WDR27: variants seen among roughly 807,000 people sequenced by gnomAD.
WDR27 encodes WD repeat domain 27.
A neutral mutation model predicts 114.4 loss-of-function variants in WDR27; 100 were observed. The ratio of observed to expected loss-of-function variants is 0.87; its 90% confidence interval spans 0.74 to 1.03. The LOEUF is 1.03. WDR27 is among the 50% of genes least tolerant of loss of function. The probability of loss-of-function intolerance (pLI) is 0.00; values close to 1 mark genes in which losing one functional copy is unlikely to be tolerated. For synonymous variants in WDR27, 449 were observed against 423.1 expected (o/e 1.06, Z -0.75); for missense variants, 1,129 against 1,092.9 (o/e 1.03, Z -0.47).
At chr6:169,514,166 TATATACATACAC>T (rs1793316458) in intron 25 of WDR27, among the ~76,000 whole-genome samples, 1 of 152,032 alleles carries the variant, frequency 6.6e-6, no homozygotes, top group African/African-American at 2.4e-5. Flanking sequence ...ATATTATTCT[TATATACATACAC>T]ATATACATAT....
intron 25 of WDR27, among the ~76,000 whole-genome samples, chr6:169,512,497 G>T (rs964046499): frequency 6.6e-6 from 1 of 152,154 alleles, no homozygotes; most frequent in South Asian, 2.1e-4. Flanking sequence ...ACTTTAATTT[G>T]TAATGTTAAT....
At chr6:169,639,124 C>T (rs1818491978) in intron 17 of WDR27, among the ~76,000 whole-genome samples, 1 of 132,230 alleles carries the variant, frequency 7.6e-6, no homozygotes. Context: ...ATGTGGTGCT[C>T]GGTACTGTGT....
rs182898833 is a variant in WDR27 at position 169,684,496 on chromosome 6, C to A, written c.189+4321G>T. Among the ~76,000 whole-genome samples, 73 of 152,254 alleles carry A rather than the reference C, an allele frequency of 4.8e-4. 1 individual carries two copies. Among genetic ancestry groups the A allele is most frequent in the Non-Finnish European group, 3.8e-4 (26 of 68,020 alleles). On this transcript the variant is annotated intron_variant, in intron 2 of 25. Transcript: ENST00000448612. The surrounding 1 kb of genome is among the most constrained non-coding windows in gnomAD (Gnocchi z 4.3). ...CCATGTCTCAGACTCAAGAAAAAGA[C>A]CCATGGGTTGCCTTTGGAGGCACAT...
chr6:169,693,461 G>A (rs1189740218), intron 1 of WDR27, among the ~76,000 whole-genome samples: 1 of 152,166 alleles, frequency 6.6e-6, no homozygotes, highest in African/African-American at 2.4e-5. Context: ...CTAACATAAT[G>A]AATAGAGCAG....
At chr6:169,653,925 C>T (rs1397820263) in intron 13 of WDR27, among the ~76,000 whole-genome samples, 1 of 152,224 alleles carries the variant, frequency 6.6e-6, no homozygotes, top group Non-Finnish European at 1.5e-5. Flanking sequence ...TCCCAGGCTG[C>T]TGGCCCTGCA....
chr6:169,656,200 A>G (rs184901253), intron 13 of WDR27, among the ~76,000 whole-genome samples: 231 of 152,314 alleles, frequency 1.5e-3, no homozygotes, highest in African/African-American at 5.4e-3. Flanking sequence ...AAAAAGGTAC[A>G]ACTCAAAGAT....
At chr6:169,596,910 T>C (rs376287811) in intron 23 of WDR27, among the ~76,000 whole-genome samples, 13 of 152,212 alleles carry the variant, frequency 8.5e-5, no homozygotes, top group African/African-American at 2.9e-4. Context: ...TCCATTATGA[T>C]TGAAGATACT....
At chr6:169,662,506 G>A (rs1826480377) in intron 8 of WDR27, 82 bp from the exon 9 acceptor site, 2 of 1,533,588 alleles carry the variant, frequency 1.3e-6, no homozygotes, top group African/African-American at 2.7e-5. Context: ...GCCACACAGA[G>A]ATGCTGCAGT....
At chr6:169,636,124 A>T (rs1474806818) in intron 19 of WDR27, among the ~76,000 whole-genome samples, 1 of 152,240 alleles carries the variant, frequency 6.6e-6, no homozygotes, top group Non-Finnish European at 1.5e-5. Context: ...AGCCGAGATG[A>T]TAATTGAGGA....
At chr6:169,686,069 C>T (rs1202413228) in intron 2 of WDR27, among the ~76,000 whole-genome samples, 2 of 152,160 alleles carry the variant, frequency 1.3e-5, no homozygotes, top group Non-Finnish European at 2.9e-5. Context: ...AGAAAATAAA[C>T]TTCCAGCCAA....
intron 25 of WDR27, among the ~76,000 whole-genome samples, chr6:169,485,138 A>C (rs1788711101): frequency 6.6e-6 from 1 of 152,196 alleles, no homozygotes; most frequent in Non-Finnish European, 1.5e-5. Context: ...AAGACACCAA[A>C]AGCAATTGCA....
chr6:169,637,074 T>C (rs555998999), intron 18 of WDR27, among the ~76,000 whole-genome samples: 1 of 152,372 alleles, frequency 6.6e-6, no homozygotes, highest in South Asian at 2.1e-4. Context: ...TTTTATGTTA[T>C]GTTCTTTGCA....
chr6:169,693,972 C>T (rs1257966590), intron 1 of WDR27, among the ~76,000 whole-genome samples: 1 of 152,182 alleles, frequency 6.6e-6, no homozygotes, highest in African/African-American at 2.4e-5. Flanking sequence ...ACTTAAACTA[C>T]ACCGTAGAAC....
intron 16 of WDR27, among the ~76,000 whole-genome samples, chr6:169,645,036 T>TAAAAAAAAAAAAAA (rs369797685): frequency 3.8e-3 from 292 of 76,900 alleles, no homozygotes; most frequent in Non-Finnish European, 6.0e-3. Flanking sequence ...AAAAAAAAAA[T>TAAAAAAAAAAAAAA]AAAAAAAAAA....
chr6:169,698,862 T>C (rs924596371), intron 1 of WDR27, among the ~76,000 whole-genome samples: 8 of 152,198 alleles, frequency 5.3e-5, no homozygotes, highest in Admixed American at 1.3e-4. Flanking sequence ...TGGACTGTTG[T>C]GTAAGCAAGA....
intron 25 of WDR27, among the ~76,000 whole-genome samples, chr6:169,562,201 G>A (rs986963604): frequency 3.3e-5 from 5 of 152,148 alleles, no homozygotes; most frequent in Admixed American, 1.3e-4. Context: ...AACACGACAC[G>A]TTTCTCGGGT....
chr6:169,471,933 G>C (rs1290073762), intron 25 of WDR27, among the ~76,000 whole-genome samples: 1 of 152,182 alleles, frequency 6.6e-6, no homozygotes, highest in Non-Finnish European at 1.5e-5. Context: ...GGCGGGAGGG[G>C]CAGGAGCATG....
the WDR27 span, among the ~76,000 whole-genome samples, chr6:169,448,994 T>G: frequency 2.6e-5 from 4 of 152,212 alleles, no homozygotes; most frequent in African/African-American, 7.2e-5. Context: ...ACACCAAAAA[T>G]TATCACTAGC....
chr6:169,577,194 A>C (rs1375806734), intron 24 of WDR27, among the ~76,000 whole-genome samples: 1 of 152,080 alleles, frequency 6.6e-6, no homozygotes, highest in Non-Finnish European at 1.5e-5. Context: ...CTCAGTCCAC[A>C]GGTGATTTTC....
Sources: gnomAD v4.1 joint callset for allele counts (sites outside exome capture counted in the v4.1 genomes callset) on GRCh38, gnomAD v4.1.1 for gene constraint, Gnocchi (gnomAD v3.1) non-coding constraint, MANE v1.5 for transcripts, NCBI Gene and HGNC (gene_info 2026-07-23, HGNC 2026-07-21) for gene names.